Variants in PAPOLA observed in about 807,000 individuals in gnomAD.
PAPOLA encodes polynucleotide adenylyltransferase alpha.
In PAPOLA, 15 loss-of-function variants were observed where a neutral mutation model predicts 100.6. The ratio of observed to expected loss-of-function variants is 0.15; its 90% CI spans 0.10 to 0.23. PAPOLA has a LOEUF of 0.23. Among genes scored for constraint, PAPOLA ranks in the 10% least tolerant of loss-of-function variants. PAPOLA has a pLI of 1.00. For synonymous variants in PAPOLA, 293 were observed against 300.0 expected, an observed-to-expected ratio of 0.98 and a Z score of 0.24; for missense variants, 533 against 884.2, an observed-to-expected ratio of 0.60 and a Z score of 5.04.
At chr14:96,527,768 C>T in intron 5 of PAPOLA, 185 bp from the exon 6 acceptor site, 1 of 626,910 alleles carries the variant, frequency 1.6e-6, no homozygotes, top group South Asian at 1.9e-5. Context: ...ATAATCTGGC[C>T]ACAATCATAC....
intron 4 of PAPOLA, chr14:96,526,066 G>A (rs944274453): frequency 1.3e-5 from 2 of 152,134 alleles, no homozygotes; most frequent in Non-Finnish European, 1.5e-5. Context: ...CCCCAAAAAT[G>A]TGTATTCATA....
At chr14:96,545,399 C>G (rs143507317) in intron 15 of PAPOLA, among the ~76,000 whole-genome samples, 1 of 151,996 alleles carries the variant, frequency 6.6e-6, no homozygotes, top group Non-Finnish European at 1.5e-5. Context: ...CTGACTGATA[C>G]AAGTGTTGTC....
In PAPOLA at chr14:96,525,207, C is replaced by T. The variant is rs1298984747; in HGVS notation, c.250-103C>T. On this transcript the variant is annotated intron_variant, in intron 3 of 21. Coordinates refer to ENST00000216277, the MANE Select transcript of PAPOLA (RefSeq NM_032632.5). ...TTTGAATACCCTTTATATAAATTTA[C>T]ACTGTAATCTTTCTTGGATCCACTC... The T allele has an allele frequency of 4.6e-6, 3 of 649,762 alleles. No individual in the cohort carries two copies. The African/African-American group carries it at 5.7e-5, about 12-fold the overall frequency. The allele number at this position is 649,762 out of a possible 1,614,324, so 40.2% of individuals were successfully genotyped here. A position where few individuals can be genotyped will look rare whatever the true frequency, so the allele number is the denominator to read the frequency against.
At chr14:96,520,982 G>C in intron 2 of PAPOLA, 24 bp from the exon 3 acceptor site, 1 of 1,043,464 alleles carries the variant, frequency 9.6e-7, no homozygotes, top group East Asian at 2.4e-5. Flanking sequence ...TGGAATACTT[G>C]ATTGATAATT....
chr14:96,559,551 C>T (rs1331339961), intron 19 of PAPOLA, among the ~76,000 whole-genome samples: 1 of 62,996 alleles, frequency 1.6e-5, no homozygotes, highest in Non-Finnish European at 2.9e-5. Flanking sequence ...CTAAATTAAC[C>T]TCTCTCTCTC....
At chr14:96,513,078 T>C (rs1897213286) in intron 1 of PAPOLA, among the ~76,000 whole-genome samples, 1 of 152,178 alleles carries the variant, frequency 6.6e-6, no homozygotes, top group East Asian at 1.9e-4. Context: ...TTTTTGCTTT[T>C]TTTGGGGATG....
chr14:96,560,879 G>A (rs1257944302), intron 20 of PAPOLA, among the ~76,000 whole-genome samples, 168 bp downstream of exon 20: 1 of 152,110 alleles, frequency 6.6e-6, no homozygotes, highest in African/African-American at 2.4e-5. Flanking sequence ...ATTGTGATGA[G>A]TGAAACACAT....
chr14:96,533,173 T>A, intron 9 of PAPOLA: 1 of 983,908 alleles, frequency 1.0e-6, no homozygotes, highest in East Asian at 1.1e-4. Flanking sequence ...TTAACCCAGA[T>A]TTTTTTAAGT....
chr14:96,536,308 G>A (rs1291228511), intron 11 of PAPOLA, among the ~76,000 whole-genome samples: 1 of 152,076 alleles, frequency 6.6e-6, no homozygotes, highest in Non-Finnish European at 1.5e-5. Context: ...AATGAGAGAT[G>A]TTTAGCAGGC....
Position 96,565,698 on chromosome 14 carries a change from A to G in PAPOLA, c.*648A>G. 1 of 397,880 alleles carries G rather than the reference A, an allele frequency of 2.5e-6. No homozygotes were observed. The highest frequency in any genetic ancestry group is 6.3e-4 in the Middle Eastern group (1 of 1,586). The allele number at this position is 397,880 out of a possible 1,614,324, so 24.6% of individuals were successfully genotyped here. A position where few individuals can be genotyped will look rare whatever the true frequency, so the allele number is the denominator to read the frequency against. On this transcript the variant is annotated 3_prime_UTR_variant, in exon 22 of 22. Coordinates refer to ENST00000216277, the MANE Select transcript of PAPOLA (RefSeq NM_032632.5). ...TGGTTTTGATAGGGTCATGATTAAG[A>G]AATGATATATTGGTTTTATTTATGG...
intron 12 of PAPOLA, among the ~76,000 whole-genome samples, chr14:96,540,981 C>T (rs894608347): frequency 6.6e-6 from 1 of 152,182 alleles, no homozygotes; most frequent in African/African-American, 2.4e-5. Flanking sequence ...GCTCCGCCTC[C>T]TGGGTTCATG....
chr14:96,531,747 T>C, intron 7 of PAPOLA, 161 bp downstream of exon 7: 1 of 1,473,768 alleles, frequency 6.8e-7, no homozygotes. Context: ...GAGTATGTAG[T>C]AGTTTATTTC....
chr14:96,537,082 G>A lies in PAPOLA; in HGVS notation c.1115+22G>A, dbSNP rs531102513. ...ACAAGTATGTATTTTAAGGCATGTC[G>A]GACATGTTGCTCTCTTAAGTAATGG... On this transcript the variant is annotated intron_variant, in intron 12 of 21. Transcript: ENST00000216277. The A allele has an allele frequency of 8.6e-5, 112 of 1,298,230 alleles. No individual in the cohort carries two copies. The highest frequency in any genetic ancestry group is 1.6e-4 in the East Asian group (7 of 43,314). 80.4% of individuals were successfully genotyped at this position (1,298,230 alleles called of 1,614,324 possible).
At chr14:96,529,885 T>A (rs1454058837) in intron 6 of PAPOLA, among the ~76,000 whole-genome samples, 1 of 152,366 alleles carries the variant, frequency 6.6e-6, no homozygotes, top group African/African-American at 2.4e-5. Context: ...AACAATTTTG[T>A]CAGCGGAATT....
intron 1 of PAPOLA, among the ~76,000 whole-genome samples, chr14:96,515,700 A>G (rs1443706466): frequency 6.6e-6 from 1 of 152,252 alleles, no homozygotes; most frequent in Non-Finnish European, 1.5e-5. Context: ...CAAGCAAAGC[A>G]CAGTGTTCTT....
chr14:96,502,833 G>A, intron 1 of PAPOLA: 1 of 436,494 alleles, frequency 2.3e-6, no homozygotes, highest in South Asian at 6.1e-5. Flanking sequence ...GCTGCCGTCG[G>A]GCCGGGGGCC....
At chr14:96,538,543 A>C (rs899459021) in intron 12 of PAPOLA, among the ~76,000 whole-genome samples, 11 of 152,032 alleles carry the variant, frequency 7.2e-5, no homozygotes, top group African/African-American at 2.4e-4. Flanking sequence ...TTTGTGAAAT[A>C]ATCAAATTTT....
At chr14:96,556,504 G>C (rs1202624974) in intron 19 of PAPOLA, 91 bp downstream of exon 19, 1 of 860,834 alleles carries the variant, frequency 1.2e-6, no homozygotes, top group Non-Finnish European at 1.9e-6. Context: ...AACCAAAATA[G>C]AGAAGGATCA....
Position 96,565,206 on chromosome 14 carries a change from G to A in PAPOLA, c.*156G>A. On this transcript the variant is annotated 3_prime_UTR_variant, in exon 22 of 22. Coordinates refer to ENST00000216277, the MANE Select transcript of PAPOLA (RefSeq NM_032632.5). Reference sequence around the variant, plus strand: ...TACTGGGCTAATCAGCACTTGATCGGAAGTCCAGGTTAGTATGTGAAGCCA... The same window carrying A: ...TACTGGGCTAATCAGCACTTGATCGAAAGTCCAGGTTAGTATGTGAAGCCA... 1 of 568,962 alleles carries A rather than the reference G, an allele frequency of 1.8e-6. No homozygotes were observed. The highest frequency in any genetic ancestry group is 2.3e-5 in the South Asian group (1 of 43,092). 35.2% of individuals were successfully genotyped at this position (568,962 alleles called of 1,614,324 possible). A position where few individuals can be genotyped will look rare whatever the true frequency, so the allele number is the denominator to read the frequency against.
Sources: gnomAD v4.1 joint callset for allele counts (sites outside exome capture counted in the v4.1 genomes callset) on GRCh38, gnomAD v4.1.1 for gene constraint, MANE v1.5 for transcripts, NCBI Gene and HGNC (gene_info 2026-07-23, HGNC 2026-07-21) for gene names.